Variants in ALMS1 observed in about 807,000 individuals in gnomAD.
The protein encoded by ALMS1 is centrosome-associated protein ALMS1.
A neutral mutation model predicts 352.2 loss-of-function variants in ALMS1; 271 were observed. The ratio of observed to expected loss-of-function variants is 0.77; its 90% CI spans 0.70 to 0.85. ALMS1 has a LOEUF of 0.85. Among genes scored for constraint, ALMS1 ranks in the 40% least tolerant of loss-of-function variants. The pLI is 0.00. For missense variants in ALMS1, 5,445 were observed against 4,870.7 expected (o/e 1.12, Z -3.51); for synonymous variants, 1,865 against 1,761.2 (o/e 1.06, Z -1.48).
chr2:73,409,370 C>A (rs1374343586), intron 2 of ALMS1, among the ~76,000 whole-genome samples: 1 of 152,042 alleles, frequency 6.6e-6, no homozygotes, highest in African/African-American at 2.4e-5. Context: ...GCCTCGGCCT[C>A]CTAAAACTAT....
At chr2:73,412,009 A>C (rs1011072321) in intron 2 of ALMS1, among the ~76,000 whole-genome samples, 2 of 152,176 alleles carry the variant, frequency 1.3e-5, no homozygotes, top group Admixed American at 1.3e-4. Context: ...TGAAATTTTC[A>C]AGAGTTGTCT....
intron 11 of ALMS1, among the ~76,000 whole-genome samples, chr2:73,525,361 T>C (rs1198996460): frequency 1.3e-5 from 2 of 152,202 alleles, no homozygotes; most frequent in Non-Finnish European, 2.9e-5. Flanking sequence ...CTAACTGTTC[T>C]CTATAGTGTT....
intron 9 of ALMS1, among the ~76,000 whole-genome samples, chr2:73,480,836 G>A (rs1457275678): frequency 2.6e-5 from 4 of 151,580 alleles, no homozygotes; most frequent in African/African-American, 4.9e-5. Flanking sequence ...GTGATGATGA[G>A]CATTTTTTCA....
rs567588422 is a variant in ALMS1, at chr2:73,508,481, A to G, written c.9540-11294A>G. On this transcript the variant is annotated intron_variant, in intron 10 of 22. Coordinates refer to ENST00000613296, the MANE Select transcript of ALMS1 (RefSeq NM_001378454.1). ...CGGCCTCCCAAAATGCTGGGGTTACAGATGTGAGCCACCGCACCCGGCTGA... is the reference window on the plus strand; with the variant it reads ...CGGCCTCCCAAAATGCTGGGGTTACGGATGTGAGCCACCGCACCCGGCTGA... Among the ~76,000 whole-genome samples the G allele has an allele frequency of 2.0e-5, 3 of 152,198 alleles. No individual in the cohort carries two copies. The East Asian group carries it at 5.8e-4, about 29-fold the overall frequency.
Position 73,490,609 on chromosome 2 carries a change from C to G in ALMS1, c.8650C>G (p.Gln2884Glu), listed in dbSNP as rs1558667216. The G allele has an allele frequency of 6.2e-7, 1 of 1,614,152 alleles. No individual in the cohort carries two copies. The highest frequency in any genetic ancestry group is 1.7e-5 in the Admixed American group (1 of 60,024). The change falls in exon 10 of 23, where the codon CAA (glutamine) becomes GAA (glutamate). Residue 2884 changes from glutamine (Q) to glutamate (E), a missense_variant. Physicochemically the swap from Gln to Glu is conservative, Grantham distance 29. Coordinates refer to ENST00000613296, the MANE Select transcript of ALMS1 (RefSeq NM_001378454.1). ...TCTTCCTTCTTGCATTTTTCTTGAA[C>G]AACGAGAGCTCTTTGAACAAAGCAA... ...PDLPSCIFLE[Q>E]RELFEQSKAP...
In ALMS1 at chr2:73,454,787, C is replaced by CA. The variant is rs556505140; in HGVS notation, c.7541-368dup. Reference sequence around the variant, plus strand: ...CTGTTCCCTGCACATTTTTATTCTACAAAAAAACCTCCAAGTTGTATTTAT... The same window carrying CA: ...CTGTTCCCTGCACATTTTTATTCTACAAAAAAAACCTCCAAGTTGTATTTAT... On this transcript the variant is annotated intron_variant, in intron 8 of 22. Coordinates refer to ENST00000613296, the MANE Select transcript of ALMS1 (RefSeq NM_001378454.1). Among the ~76,000 whole-genome samples the CA allele has an allele frequency of 3.2e-4, 48 of 152,072 alleles. No homozygotes were observed. The South Asian group carries it at 5.8e-3, about 18-fold the overall frequency.
rs1357695377 is a variant in ALMS1, at chr2:73,453,159, C to T, written c.6632C>T (p.Ser2211Phe). The change falls in exon 8 of 23, where the codon TCT (serine) becomes TTT (phenylalanine). Residue 2211 changes from serine to phenylalanine, a missense_variant. Ser to Phe is a radical substitution (Grantham distance 155). Coordinates refer to ENST00000613296, the MANE Select transcript of ALMS1 (RefSeq NM_001378454.1). ...CAAAGGCTAATAGATAATTTGAATT[C>T]TTCTGACTCCAGTGTTAGCTCAAAT... is the stretch of plus-strand genomic sequence containing the variant. ...HVQRLIDNLN[S>F]SDSSVSSNNV... 1.2e-6 allele frequency: 2 copies of T among 1,613,928 alleles called. No homozygotes were observed. The highest frequency in any genetic ancestry group is 8.5e-7 in the Non-Finnish European group (1 of 1,179,992).
chr2:73,443,358 C>T (rs1671752926), intron 7 of ALMS1, among the ~76,000 whole-genome samples: 1 of 152,118 alleles, frequency 6.6e-6, no homozygotes. Context: ...ATGCTATTTT[C>T]TCTACTTGGA....
At chr2:73,513,899 T>A (rs55899206) in intron 10 of ALMS1, among the ~76,000 whole-genome samples, 2 of 152,138 alleles carry the variant, frequency 1.3e-5, no homozygotes, top group African/African-American at 4.8e-5. Flanking sequence ...TTCTGATACC[T>A]TGCTCTGGCC....
Position 73,490,213 on chromosome 2 carries a change from T to A in ALMS1, c.8254T>A (p.Ser2752Thr), listed in dbSNP as rs1210414092. The A allele has an allele frequency of 6.2e-7, 1 of 1,614,138 alleles. No individual in the cohort carries two copies. Among genetic ancestry groups the A allele is most frequent in the Non-Finnish European group, 8.5e-7 (1 of 1,180,020 alleles). ...CTGASVGVFN[S>T]HFTEEQNPPR... ...TGGAGCATCTGTGGGGGTATTTAATTCTCATTTCACTGAAGAACAAAATCC... is the reference window on the plus strand; with the variant it reads ...TGGAGCATCTGTGGGGGTATTTAATACTCATTTCACTGAAGAACAAAATCC... Residue 2752 changes from serine (S) to threonine (T), a missense_variant, in exon 10 of 23, where the codon TCT becomes ACT. By Grantham distance (58) the Ser-to-Thr change is moderately conservative. Transcript: ENST00000613296.
At chr2:73,455,730 TA>T (rs1255913103) in intron 9 of ALMS1, among the ~76,000 whole-genome samples, 3 of 152,248 alleles carry the variant, frequency 2.0e-5, no homozygotes, top group Non-Finnish European at 4.4e-5. Context: ...AAAGTTAAGA[TA>T]TAAGTATTAG....
chr2:73,552,573 T>G (rs1045769964), intron 13 of ALMS1, among the ~76,000 whole-genome samples: 12 of 152,284 alleles, frequency 7.9e-5, no homozygotes, highest in African/African-American at 2.6e-4. Flanking sequence ...GATGATACAT[T>G]TGAAATAAAG....
chr2:73,595,559 G>A (rs1675529854), intron 16 of ALMS1, among the ~76,000 whole-genome samples: 1 of 152,170 alleles, frequency 6.6e-6, no homozygotes, highest in South Asian at 2.1e-4. Context: ...CATTTGGATT[G>A]TTTGATTTTT....
At chr2:73,509,643 G>A (rs543511459) in intron 10 of ALMS1, among the ~76,000 whole-genome samples, 24 of 152,138 alleles carry the variant, frequency 1.6e-4, no homozygotes, top group Non-Finnish European at 2.6e-4. Context: ...TAGTCTGATG[G>A]GCTTCCCTTT....
chr2:73,408,208 C>T (rs1671008975), intron 1 of ALMS1, among the ~76,000 whole-genome samples: 1 of 152,186 alleles, frequency 6.6e-6, no homozygotes, highest in African/African-American at 2.4e-5. Flanking sequence ...CGTTTATTGC[C>T]TTCTTTCACT....
At chr2:73,485,443 C>T (rs1446259385) in intron 9 of ALMS1, among the ~76,000 whole-genome samples, 1 of 152,248 alleles carries the variant, frequency 6.6e-6, no homozygotes, top group African/African-American at 2.4e-5. Context: ...CTCAGATCTC[C>T]AGCTGTGTGC....
At chr2:73,603,451 ACTG>A in intron 21 of ALMS1, 147 bp downstream of exon 21, 10 of 700,840 alleles carry the variant, frequency 1.4e-5, no homozygotes, top group African/African-American at 1.2e-4. Context: ...CACTTATGGC[ACTG>A]AAAAAAAAAA....
At chr2:73,422,146 A>T (rs1196383466) in intron 3 of ALMS1, among the ~76,000 whole-genome samples, 1 of 152,192 alleles carries the variant, frequency 6.6e-6, no homozygotes, top group Non-Finnish European at 1.5e-5. Context: ...TATAAAAAAT[A>T]ACTTTTCCAA....
Position 73,448,648 on chromosome 2 carries a change from G to A in ALMS1, c.2121G>A (p.Gly707=), listed in dbSNP as rs878854997. Residue 707 remains glycine, a synonymous_variant, in exon 8 of 23, where the codon GGG becomes GGA. Coordinates refer to ENST00000613296, the MANE Select transcript of ALMS1 (RefSeq NM_001378454.1). Reference sequence around the variant, plus strand: ...CTGGACCAGCTGACCAGAAGACTGGGACAGCAACAGTACTCTCTACTCCCC... The same window carrying A: ...CTGGACCAGCTGACCAGAAGACTGGAACAGCAACAGTACTCTCTACTCCCC... ...AVSGPADQKT[G]TATVLSTPHS... The A allele has an allele frequency of 6.2e-7, 1 of 1,610,742 alleles. No individual in the cohort carries two copies. Among genetic ancestry groups the A allele is most frequent in the Non-Finnish European group, 8.5e-7 (1 of 1,179,066 alleles).
Sources: allele counts gnomAD v4.1 joint callset (sites outside exome capture counted in the v4.1 genomes callset), GRCh38; gene constraint gnomAD v4.1.1; transcripts MANE v1.5; gene names NCBI Gene and HGNC (gene_info 2026-07-23, HGNC 2026-07-21).